The following FBXL2 variants were observed in gnomAD, a reference collection of about 807,000 sequenced individuals.
The protein encoded by FBXL2 is F-box and leucine rich repeat protein 2, also known as F-box/LRR-repeat protein 2.
In FBXL2, 38 loss-of-function variants were observed where a neutral mutation model predicts 69.2. The observed-to-expected ratio is 0.55, with a 90% confidence interval of 0.42 to 0.72. The LOEUF is 0.72. Ranked by LOEUF, FBXL2 falls within the 30% of genes least tolerant of loss-of-function variation. The pLI is 0.00. For missense variants in FBXL2, 354 were observed against 520.3 expected, an observed-to-expected ratio of 0.68 and a Z score of 3.11; for synonymous variants, 192 against 201.3, an observed-to-expected ratio of 0.95 and a Z score of 0.39.
chr3:33,376,326 C>T (rs1200548160), intron 10 of FBXL2, among the ~76,000 whole-genome samples: 1 of 152,150 alleles, frequency 6.6e-6, no homozygotes, highest in African/African-American at 2.4e-5. Context: ...TTTTAAAAAT[C>T]TCTACTTCCC....
Position 33,282,414 on chromosome 3 carries a change from T to G in FBXL2, c.3+4899T>G, listed in dbSNP as rs528708127. ...CTGTTCCATTGGTGTATATATCTGT[T>G]TTGGTACCAGTACCATGCTGTTTTG... On this transcript the variant is annotated intron_variant, in intron 1 of 14. Coordinates refer to ENST00000484457, the MANE Select transcript of FBXL2 (RefSeq NM_012157.5). Among the ~76,000 whole-genome samples, 5 of 152,324 alleles carry G rather than the reference T, an allele frequency of 3.3e-5. No homozygotes were observed. The East Asian group carries it at 9.7e-4, about 29-fold the overall frequency.
chr3:33,301,701 A>G (rs1309832541), intron 2 of FBXL2, among the ~76,000 whole-genome samples: 1 of 152,176 alleles, frequency 6.6e-6, no homozygotes, highest in East Asian at 1.9e-4. Flanking sequence ...CTTTGCTCTC[A>G]CATAGCCCAA....
At chr3:33,284,450 G>A (rs995040608) in intron 1 of FBXL2, among the ~76,000 whole-genome samples, 1 of 152,186 alleles carries the variant, frequency 6.6e-6, no homozygotes, top group Non-Finnish European at 1.5e-5. Flanking sequence ...ATTTGCTGAG[G>A]AGTGCTTTAC....
chr3:33,376,165 A>AAC (rs2042626077), intron 10 of FBXL2, among the ~76,000 whole-genome samples: 1 of 151,952 alleles, frequency 6.6e-6, no homozygotes, highest in Non-Finnish European at 1.5e-5. Flanking sequence ...TCAAAAAAAA[A>AAC]AACAAAAAAA....
At chr3:33,283,158 C>T (rs552245323) in intron 1 of FBXL2, among the ~76,000 whole-genome samples, 2 of 152,232 alleles carry the variant, frequency 1.3e-5, no homozygotes, top group African/African-American at 4.8e-5. Context: ...AGTTTTTGCC[C>T]ATTCAGTATG....
At chr3:33,305,580 G>A (rs541952762) in intron 2 of FBXL2, among the ~76,000 whole-genome samples, 1 of 151,958 alleles carries the variant, frequency 6.6e-6, no homozygotes, top group African/African-American at 2.4e-5. Flanking sequence ...ATTGAGTTGA[G>A]CAGTATGCAC....
In FBXL2 at chr3:33,394,721, G is replaced by T. The variant is rs1316258284; in HGVS notation, n.1215-8513G>T. Reference sequence around the variant, plus strand: ...ACCCAGAATTTTCCATTACATAAAAGAAGCTGGAACTAAAATTACAGTAAG... The same window carrying T: ...ACCCAGAATTTTCCATTACATAAAATAAGCTGGAACTAAAATTACAGTAAG... On this transcript the variant is annotated intron_variant and non_coding_transcript_variant, in intron 12 of 12. Transcript: ENST00000463736. Among the ~76,000 whole-genome samples the T allele has an allele frequency of 3.3e-5, 5 of 151,492 alleles. No homozygotes were observed. In the East Asian group the frequency reaches 9.7e-4, roughly 29 times the overall value.
intron 1 of FBXL2, among the ~76,000 whole-genome samples, chr3:33,291,138 C>G (rs1347705421): frequency 2.6e-5 from 4 of 152,064 alleles, no homozygotes; most frequent in Non-Finnish European, 5.9e-5. Context: ...ACTGTGTTAC[C>G]CAGGCTGGTC....
chr3:33,360,918 CTTTTTTTTTTTTTTTT>C (rs58912118), intron 4 of FBXL2, among the ~76,000 whole-genome samples: 3 of 57,130 alleles, frequency 5.3e-5, no homozygotes, highest in East Asian at 7.2e-4. Flanking sequence ...ACATGAAGAA[CTTTTTTTTTTTTTTTT>C]TTTTTTTTTT....
intron 2 of FBXL2, among the ~76,000 whole-genome samples, chr3:33,308,174 C>T (rs1478063356): frequency 6.6e-6 from 1 of 152,174 alleles, no homozygotes; most frequent in African/African-American, 2.4e-5. Flanking sequence ...CTGCACCTGG[C>T]TTCTTGTAGC....
chr3:33,277,413 TTG>T, upstream of FBXL2: 1 of 1,218,154 alleles, frequency 8.2e-7, no homozygotes, highest in Non-Finnish European at 1.0e-6. Context: ...CGAGCCCACC[TTG>T]GGGACGGGGC....
the FBXL2 span, among the ~76,000 whole-genome samples, chr3:33,413,693 G>C: frequency 2.0e-5 from 3 of 152,078 alleles, no homozygotes; most frequent in African/African-American, 7.2e-5. Context: ...CCAATTAAAA[G>C]CAATTTTTTT....
chr3:33,373,720 T>TA lies in FBXL2; in HGVS notation c.582+17dup, dbSNP rs1170185150. On this transcript the variant is annotated intron_variant, in intron 8 of 14. Transcript: ENST00000484457. ...CTGCACACAGGTACCAGAGGGTTGA[T>TA]ACAGCTGTTTGTGTTATGTGTCAGG... The TA allele has an allele frequency of 6.2e-7, 1 of 1,614,170 alleles. No individual in the cohort carries two copies. The highest frequency in any genetic ancestry group is 1.3e-5 in the African/African-American group (1 of 75,048).
At chr3:33,317,975 T>C (rs2037856310) in intron 2 of FBXL2, among the ~76,000 whole-genome samples, 3 of 152,186 alleles carry the variant, frequency 2.0e-5, no homozygotes, top group Admixed American at 6.5e-5. Context: ...TTGGGAACCT[T>C]AGGATTAGTT....
At chr3:33,303,286 G>A (rs1233260611) in intron 2 of FBXL2, 1 of 421,314 alleles carries the variant, frequency 2.4e-6, no homozygotes, top group Non-Finnish European at 4.7e-6. Context: ...TTTGACTTGT[G>A]TGTGGCAGTG....
intron 1 of FBXL2, among the ~76,000 whole-genome samples, chr3:33,286,048 A>G (rs2034580447): frequency 6.6e-6 from 1 of 152,080 alleles, no homozygotes; most frequent in Admixed American, 6.6e-5. Context: ...TCTCAAAGTC[A>G]TTCTCCATCC....
At chr3:33,418,563 GA>G in the FBXL2 span, among the ~76,000 whole-genome samples, 1 of 151,718 alleles carries the variant, frequency 6.6e-6, no homozygotes, top group Non-Finnish European at 1.5e-5. Context: ...CCGGCCATAA[GA>G]AGTATTTAAT....
intron 12 of FBXL2, among the ~76,000 whole-genome samples, chr3:33,399,984 A>G (rs2044159820): frequency 6.6e-6 from 1 of 152,246 alleles, no homozygotes; most frequent in African/African-American, 2.4e-5. Context: ...GACTGAACCA[A>G]TGTCAACTGC....
chr3:33,420,145 C>T, the FBXL2 span, among the ~76,000 whole-genome samples: 1 of 152,128 alleles, frequency 6.6e-6, no homozygotes, highest in Non-Finnish European at 1.5e-5. Flanking sequence ...GCTTTAGAAA[C>T]CTTATTTCTA....
Sources: gnomAD v4.1 joint callset for allele counts (sites outside exome capture counted in the v4.1 genomes callset) on GRCh38, gnomAD v4.1.1 for gene constraint, MANE v1.5 for transcripts, NCBI Gene and HGNC (gene_info 2026-07-23, HGNC 2026-07-21) for gene names.